TRAK1: variants seen among roughly 807,000 people sequenced by gnomAD.
TRAK1 encodes trafficking kinesin-binding protein 1.
A neutral mutation model predicts 92.1 loss-of-function variants in TRAK1; 33 were observed. That is an observed-to-expected ratio of 0.36 (90% CI 0.27 to 0.48). The LOEUF (loss-of-function observed/expected upper bound fraction) is 0.48. TRAK1 is among the 20% of genes least tolerant of loss of function. The pLI is 0.99. For missense variants in TRAK1, 1,123 were observed against 1,257.9 expected (o/e 0.89, Z 1.62); for synonymous variants, 521 against 517.3 (o/e 1.01, Z -0.10).
intron 1 of TRAK1, among the ~76,000 whole-genome samples, chr3:42,024,727 T>A (rs1342582609): frequency 1.3e-5 from 2 of 152,250 alleles, no homozygotes; most frequent in African/African-American, 4.8e-5. Flanking sequence ...GCTTCAGTAC[T>A]TCATGCTTGC....
intron 1 of TRAK1, among the ~76,000 whole-genome samples, chr3:42,107,528 AAAAG>A (rs966736927): frequency 5.9e-5 from 9 of 151,972 alleles, no homozygotes; most frequent in Admixed American, 6.6e-5. Flanking sequence ...AAAAAAAAAA[AAAAG>A]AAATTAATTA....
chr3:42,194,791 T>G lies in TRAK1; in HGVS notation c.976-13T>G, dbSNP rs1559911246. 10 of 1,613,030 alleles carry G rather than the reference T, an allele frequency of 6.2e-6. No individual in the cohort carries two copies. The highest frequency in any genetic ancestry group is 8.5e-6 in the Non-Finnish European group (10 of 1,179,576). On this transcript the variant is annotated splice_polypyrimidine_tract_variant and intron_variant, in intron 9 of 15. Coordinates refer to ENST00000327628, the MANE Select transcript of TRAK1 (RefSeq NM_001042646.3). ...CAGGAGATCCTGACCCTCTGTGTCT[T>G]TCCTGCCTGCAGCTGCGTGAGCTGG...
Position 42,193,095 on chromosome 3 carries a change from G to A in TRAK1, c.790G>A (p.Ala264Thr), listed in dbSNP as rs1313877329. The change falls in exon 8 of 16, where the codon GCT becomes ACT. Residue 264 changes from alanine (A) to threonine (T), a missense_variant. Coordinates refer to ENST00000327628, the MANE Select transcript of TRAK1 (RefSeq NM_001042646.3). Reference sequence around the variant, plus strand: ...CAAAGGGGATGCCAATGTCCAGATTGCTAGTATCTCAGAGGAACTGGCCAA... The same window carrying A: ...CAAAGGGGATGCCAATGTCCAGATTACTAGTATCTCAGAGGAACTGGCCAA... ...KELRDANVQI[A>T]SISEELAKKT... 6.2e-7 allele frequency: 1 copy of A among 1,614,102 alleles called. No individual in the cohort carries two copies. Among genetic ancestry groups the A allele is most frequent in the South Asian group, 1.1e-5 (1 of 91,060 alleles).
At chr3:42,102,170 G>C (rs1344720648) in intron 1 of TRAK1, among the ~76,000 whole-genome samples, 1 of 152,164 alleles carries the variant, frequency 6.6e-6, no homozygotes, top group Non-Finnish European at 1.5e-5. Flanking sequence ...ATTTTTAGTA[G>C]AGACGGGGTT....
chr3:42,183,339 T>TCGAGGAGGGCGAG (rs1362369535), intron 3 of TRAK1, among the ~76,000 whole-genome samples: 4 of 152,054 alleles, frequency 2.6e-5, no homozygotes, highest in African/African-American at 9.7e-5. Flanking sequence ...GCGAATCACC[T>TCGAGGAGGGCGAG]GAGATCAGGA....
At chr3:42,121,272 T>C (rs1709815941) in intron 1 of TRAK1, among the ~76,000 whole-genome samples, 1 of 151,278 alleles carries the variant, frequency 6.6e-6, no homozygotes, top group Non-Finnish European at 1.5e-5. Flanking sequence ...TTTTTTTTTT[T>C]TTTTTGAGAC....
At chr3:42,123,199 C>A (rs1710121880) in intron 1 of TRAK1, among the ~76,000 whole-genome samples, 1 of 152,136 alleles carries the variant, frequency 6.6e-6, no homozygotes, top group South Asian at 2.1e-4. Flanking sequence ...TCTCACGAAT[C>A]CGTATTTTTT....
intron 2 of TRAK1, chr3:42,145,502 C>T (rs1350332779): frequency 1.3e-5 from 2 of 151,534 alleles, no homozygotes; most frequent in African/African-American, 4.9e-5. Flanking sequence ...AAAAAAAAAC[C>T]TATGTGCGTT....
intron 1 of TRAK1, among the ~76,000 whole-genome samples, chr3:42,034,100 C>T (rs994763098): frequency 6.6e-6 from 1 of 152,218 alleles, no homozygotes; most frequent in Non-Finnish European, 1.5e-5. Context: ...CCTCTGCAGA[C>T]ATTCCTTGCC....
chr3:42,191,879 A>AT (rs1229882899), intron 7 of TRAK1, among the ~76,000 whole-genome samples: 1 of 119,432 alleles, frequency 8.4e-6, no homozygotes, highest in Non-Finnish European at 1.8e-5. Context: ...TTTTGGCTTT[A>AT]TACTGGAATA....
chr3:42,023,744 GTTTTTTTTTTT>G (rs780080581), intron 1 of TRAK1, among the ~76,000 whole-genome samples: 1 of 99,052 alleles, frequency 1.0e-5, no homozygotes, highest in South Asian at 3.9e-4. Context: ...GCTCGTGAGG[GTTTTTTTTTTT>G]TTTTTTTTTT....
intron 1 of TRAK1, among the ~76,000 whole-genome samples, chr3:42,052,788 A>T (rs904127526): frequency 1.3e-5 from 2 of 152,076 alleles, no homozygotes; most frequent in Non-Finnish European, 2.9e-5. Flanking sequence ...CCCCTCCCCC[A>T]TTATGAAAGA....
At chr3:42,210,769 A>G in intron 14 of TRAK1, 1 of 985,454 alleles carries the variant, frequency 1.0e-6, no homozygotes, top group Non-Finnish European at 1.2e-6. Context: ...AACCAAATAA[A>G]CCTTCGGAGA....
chr3:42,143,785 G>A (rs1329009880), intron 2 of TRAK1, among the ~76,000 whole-genome samples: 1 of 152,114 alleles, frequency 6.6e-6, no homozygotes, highest in Non-Finnish European at 1.5e-5. Flanking sequence ...CAGGAGTGTT[G>A]GGACTCTTGG....
intron 2 of TRAK1, among the ~76,000 whole-genome samples, chr3:42,170,376 C>G (rs1702393346): frequency 6.6e-6 from 1 of 152,080 alleles, no homozygotes; most frequent in Admixed American, 6.6e-5. Context: ...TGTCCCCTGC[C>G]CCTGTGAACA....
chr3:42,195,115 A>C (rs1008572268), intron 10 of TRAK1, among the ~76,000 whole-genome samples, 174 bp downstream of exon 10: 1 of 152,212 alleles, frequency 6.6e-6, no homozygotes, highest in African/African-American at 2.4e-5. Context: ...TCTTAACTAC[A>C]TAAGACAAAT....
chr3:42,183,804 A>G (rs182197034), intron 3 of TRAK1, among the ~76,000 whole-genome samples: 5 of 152,304 alleles, frequency 3.3e-5, no homozygotes, highest in Admixed American at 2.6e-4. Flanking sequence ...CACCTTGCCA[A>G]AACCCAAGTT....
At chr3:42,134,832 G>A (rs561553159) in intron 2 of TRAK1, among the ~76,000 whole-genome samples, 54 of 151,918 alleles carry the variant, frequency 3.6e-4, no homozygotes, top group African/African-American at 1.2e-3. Context: ...ACCCACCTCG[G>A]CCTCCCACAG....
chr3:42,177,954 A>T (rs1471792265), intron 3 of TRAK1, among the ~76,000 whole-genome samples: 1 of 152,170 alleles, frequency 6.6e-6, no homozygotes, highest in African/African-American at 2.4e-5. Context: ...ACCGACCTTC[A>T]GCCTTTGGGT....
Sources: allele counts gnomAD v4.1 joint callset (sites outside exome capture counted in the v4.1 genomes callset), GRCh38; gene constraint gnomAD v4.1.1; transcripts MANE v1.5; gene names NCBI Gene and HGNC (gene_info 2026-07-23, HGNC 2026-07-21).